The following AAR2 variants were observed in gnomAD, a reference collection of about 807,000 sequenced individuals.
The protein encoded by AAR2 is protein AAR2 homolog.
AAR2 carries 31 observed loss-of-function variants against 26.9 expected under a neutral mutation model. That is an observed-to-expected ratio of 1.15 (90% confidence interval 0.86 to 1.55). AAR2 has a LOEUF of 1.55. AAR2 is among the 40% of genes most tolerant of loss of function. The probability of loss-of-function intolerance (pLI) is 0.00; values close to 1 mark genes in which losing one functional copy is unlikely to be tolerated. For missense variants in AAR2, 430 were observed against 491.3 expected, an observed-to-expected ratio of 0.88 and a Z score of 1.18; for synonymous variants, 188 against 196.1, an observed-to-expected ratio of 0.96 and a Z score of 0.34.
At chr20:36,247,977 T>C (rs1420504032) in intron 3 of AAR2, among the ~76,000 whole-genome samples, 1 of 152,248 alleles carries the variant, frequency 6.6e-6, no homozygotes, top group Non-Finnish European at 1.5e-5. Flanking sequence ...ATAAGCATCA[T>C]GCCATCCAGC....
chr20:36,255,995 A>G lies in AAR2; in HGVS notation c.*250A>G, dbSNP rs2064818226. ...CTTGGTGCTAACCTGGCTGAATTTC[A>G]CACAGGCTCTTACACACACACGCTC... On this transcript the variant is annotated 3_prime_UTR_variant, in exon 4 of 4. Transcript: ENST00000320849. The G allele has an allele frequency of 7.9e-6, 4 of 505,638 alleles. No individual in the cohort carries two copies. The highest frequency in any genetic ancestry group is 1.4e-5 in the Non-Finnish European group (4 of 285,056). 31.3% of individuals were successfully genotyped at this position (505,638 alleles called of 1,614,324 possible). A position where few individuals can be genotyped will look rare whatever the true frequency, so the allele number is the denominator to read the frequency against.
At position 36,255,573 on chromosome 20, in the gene AAR2, T is replaced by TG; in HGVS notation, c.988-4dup. On this transcript the variant is annotated splice_polypyrimidine_tract_variant and splice_region_variant and intron_variant, in intron 3 of 3. Coordinates refer to ENST00000320849, the MANE Select transcript of AAR2 (RefSeq NM_001271874.2). ...CAGGAGTGACTTATCCTCTGTTCTCTGTAGGTTTTCTTTTCCTCTGCCTGC... is the reference window on the plus strand; with the variant it reads ...CAGGAGTGACTTATCCTCTGTTCTCTGGTAGGTTTTCTTTTCCTCTGCCTGC... 2 of 1,614,222 alleles carry TG rather than the reference T, an allele frequency of 1.2e-6. No homozygotes were observed. The highest frequency in any genetic ancestry group is 1.7e-6 in the Non-Finnish European group (2 of 1,180,026).
In AAR2 at chr20:36,240,027, A is replaced by G; in HGVS notation, c.159A>G (p.Pro53=). 6.2e-7 allele frequency: 1 copy of G among 1,614,218 alleles called. No homozygotes were observed. ...TCCGGGGCGTGAAGATGATCCCTCC[A>G]GGCATCCACTTCCTCCACTACAGCT... ...PKFRGVKMIP[P]GIHFLHYSSV... The change falls in exon 2 of 4, where the codon CCA becomes CCG. Residue 53 remains proline, a synonymous_variant. Coordinates refer to ENST00000320849, the MANE Select transcript of AAR2 (RefSeq NM_001271874.2).
rs139299934 is a variant in AAR2, at chr20:36,252,762, C to T, written c.988-2816C>T. Among the ~76,000 whole-genome samples, 269 of 152,300 alleles carry T rather than the reference C, an allele frequency of 1.8e-3. 1 individual carries two copies. The highest frequency in any genetic ancestry group is 6.1e-3 in the African/African-American group (255 of 41,556). On this transcript the variant is annotated intron_variant, in intron 3 of 3. Transcript: ENST00000320849. ...GGAAACAGGAAGAGACTTGTTAATT[C>T]AGCCCAGCAGTCTCCCCACAACCTC... is the stretch of plus-strand genomic sequence containing the variant.
chr20:36,244,963 G>A, intron 3 of AAR2, 37 bp downstream of exon 3: 1 of 1,556,648 alleles, frequency 6.4e-7, no homozygotes, highest in Non-Finnish European at 8.9e-7. Context: ...TGCACATGTG[G>A]GTCAGAATTG....
rs771329049 is a variant in AAR2 at position 36,239,858 on chromosome 20, C to T, written c.-11C>T. The T allele has an allele frequency of 2.1e-5, 33 of 1,562,948 alleles. No homozygotes were observed. Among genetic ancestry groups the T allele is most frequent in the Non-Finnish European group, 2.7e-5 (31 of 1,150,200 alleles). ...GAAAAAGGGTTCTTTTGGTCACCCACCACTGGCCCCATGGCTGCCGTGCAG... is the reference window on the plus strand; with the variant it reads ...GAAAAAGGGTTCTTTTGGTCACCCATCACTGGCCCCATGGCTGCCGTGCAG... On this transcript the variant is annotated 5_prime_UTR_variant, in exon 2 of 4. Coordinates refer to ENST00000320849, the MANE Select transcript of AAR2 (RefSeq NM_001271874.2).
At chr20:36,240,667 G>T (rs1409134681) in intron 2 of AAR2, 42 bp downstream of exon 2, 2 of 1,581,694 alleles carry the variant, frequency 1.3e-6, no homozygotes, top group South Asian at 2.3e-5. Context: ...CCAAGGGGAG[G>T]ATATTAGCAG....
intron 3 of AAR2, among the ~76,000 whole-genome samples, chr20:36,246,745 G>C (rs1196569893): frequency 5.9e-5 from 9 of 152,240 alleles, no homozygotes; most frequent in Non-Finnish European, 1.3e-4. Context: ...TGCCCAGCTG[G>C]ATTGCTAGAT....
chr20:36,251,729 T>C (rs2064782021), intron 3 of AAR2, among the ~76,000 whole-genome samples: 1 of 152,252 alleles, frequency 6.6e-6, no homozygotes, highest in Non-Finnish European at 1.5e-5. Context: ...GTTGGTGAGT[T>C]CTTTAAAAAG....
chr20:36,245,363 G>T (rs1451852062), intron 3 of AAR2, among the ~76,000 whole-genome samples: 6 of 152,194 alleles, frequency 3.9e-5, no homozygotes, highest in Non-Finnish European at 4.4e-5. Context: ...AAATGTGCCA[G>T]TTTCTGCAGA....
chr20:36,242,362 CTTTTGTTGTTGTTGTTGT>C (rs1399121875), intron 2 of AAR2, among the ~76,000 whole-genome samples: 1,463 of 138,718 alleles, frequency 0.011, 34 homozygotes, highest in African/African-American at 0.039. Flanking sequence ...ACAGGTACAT[CTTTTGTTGTTGTTGTTGT>C]TGTTGTTGTT....
Position 36,240,230 on chromosome 20 carries a change from T to TCCAGCTCCTTACCCATATGCCAC in AAR2, c.364_365insAGCTCCTTACCCATATGCCACCC (p.Leu122GlnfsTer17), listed in dbSNP as rs2064663621. 6.2e-7 allele frequency: 1 copy of TCCAGCTCCTTACCCATATGCCAC among 1,614,048 alleles called. No homozygotes were observed. Among genetic ancestry groups the TCCAGCTCCTTACCCATATGCCAC allele is most frequent in the South Asian group, 1.1e-5 (1 of 91,088 alleles). Reference sequence around the variant, plus strand: ...GCCAACCTCCAGGAGCTGGACCAGTTCCTGGGGCCTTACCCATATGCCACC... The same window carrying TCCAGCTCCTTACCCATATGCCAC: ...GCCAACCTCCAGGAGCTGGACCAGTTCCAGCTCCTTACCCATATGCCACCCTGGGGCCTTACCCATATGCCACC... On this transcript the variant is annotated frameshift_variant, in exon 2 of 4. Coordinates refer to ENST00000320849, the MANE Select transcript of AAR2 (RefSeq NM_001271874.2). LOFTEE classifies it high-confidence loss of function.
At chr20:36,244,416 C>G (rs950512826) in intron 2 of AAR2, among the ~76,000 whole-genome samples, 13 of 152,170 alleles carry the variant, frequency 8.5e-5, no homozygotes, top group African/African-American at 3.1e-4. Context: ...ACTTAAAATG[C>G]CAGGCAAATA....
Position 36,255,608 on chromosome 20 carries a change from G to A in AAR2, c.1018G>A (p.Val340Met), listed in dbSNP as rs762797321. The A allele has an allele frequency of 3.7e-5, 59 of 1,614,072 alleles. No homozygotes were observed. The highest frequency in any genetic ancestry group is 6.7e-5 in the East Asian group (3 of 44,886). ...VFFSSACSIA[V>M]DATLRKKAEK... The stretch of plus-strand genomic sequence containing the variant: ...CTTTTCCTCTGCCTGCAGCATTGCC[G>A]TGGATGCCACCCTGAGAAAGAAAGC... The change falls in exon 4 of 4, where the codon GTG (valine) becomes ATG (methionine). Residue 340 changes from valine to methionine, a missense_variant. Physicochemically the swap from Val to Met is conservative, Grantham distance 21 (BLOSUM62 1). Transcript: ENST00000320849.
Position 36,244,874 on chromosome 20 carries a change from ACTT to A in AAR2, c.940_942del (p.Phe314del). The A allele has an allele frequency of 6.2e-7, 1 of 1,614,140 alleles. No individual in the cohort carries two copies. Among genetic ancestry groups the A allele is most frequent in the Non-Finnish European group, 8.5e-7 (1 of 1,180,028 alleles). ...CACCAGCTTGGTGAGATCCCCGCTGACTTCTTCGTAGACATTGTCTCCCAAGAC... is the reference window on the plus strand; with the variant it reads ...CACCAGCTTGGTGAGATCCCCGCTGACTTCGTAGACATTGTCTCCCAAGAC... On this transcript the variant is annotated inframe_deletion, in exon 3 of 4. Coordinates refer to ENST00000320849, the MANE Select transcript of AAR2 (RefSeq NM_001271874.2).
At chr20:36,247,484 C>T (rs760202966) in intron 3 of AAR2, among the ~76,000 whole-genome samples, 2 of 152,186 alleles carry the variant, frequency 1.3e-5, no homozygotes, top group Admixed American at 1.3e-4. Flanking sequence ...CTTTCCTCTC[C>T]GTTTTCCCCC....
intron 3 of AAR2, among the ~76,000 whole-genome samples, chr20:36,250,099 C>T (rs1202739013): frequency 1.3e-5 from 2 of 152,152 alleles, no homozygotes; most frequent in Non-Finnish European, 2.9e-5. Context: ...GACATAGCTA[C>T]CTACCTTGAT....
At chr20:36,253,083 C>A (rs1018394642) in intron 3 of AAR2, among the ~76,000 whole-genome samples, 1 of 152,012 alleles carries the variant, frequency 6.6e-6, no homozygotes, top group Non-Finnish European at 1.5e-5. Context: ...CCTTCCCCCC[C>A]ATCACCTCTC....
chr20:36,238,881 T>C (rs2064646890), intron 1 of AAR2, among the ~76,000 whole-genome samples: 1 of 152,194 alleles, frequency 6.6e-6, no homozygotes, highest in African/African-American at 2.4e-5. Flanking sequence ...GTGATGTTTT[T>C]TGGGGGCCTG....
Sources: gnomAD v4.1 joint callset for allele counts (sites outside exome capture counted in the v4.1 genomes callset) on GRCh38, gnomAD v4.1.1 for gene constraint, MANE v1.5 for transcripts, NCBI Gene and HGNC (gene_info 2026-07-23, HGNC 2026-07-21) for gene names.